The following PPP1R1A variants were observed in gnomAD, a reference collection of about 807,000 sequenced individuals.
PPP1R1A encodes the protein protein phosphatase 1 regulatory subunit 1A.
A neutral mutation model predicts 23.9 loss-of-function variants in PPP1R1A; 18 were observed. The observed-to-expected ratio is 0.75, with a 90% CI of 0.52 to 1.12. The LOEUF (loss-of-function observed/expected upper bound fraction) is 1.12. Ranked by LOEUF, PPP1R1A falls within the 50% of genes most tolerant of loss-of-function variation. The pLI, the probability that PPP1R1A is intolerant of heterozygous loss-of-function variation, is 0.00. For synonymous variants in PPP1R1A, 84 were observed against 80.7 expected (o/e 1.04, Z -0.22); for missense variants, 207 against 223.8 (o/e 0.92, Z 0.48).
At chr12:54,584,157 G>A (rs1367366073) in intron 2 of PPP1R1A, 103 bp downstream of exon 2, 22 of 1,176,118 alleles carry the variant, frequency 1.9e-5, no homozygotes, top group African/African-American at 6.1e-5. Flanking sequence ...GGACATCCCC[G>A]CCTTCTCAGA....
At chr12:54,582,631 T>C (rs1004059433) in intron 4 of PPP1R1A, 101 bp downstream of exon 4, 5 of 1,384,024 alleles carry the variant, frequency 3.6e-6, no homozygotes, top group Non-Finnish European at 5.1e-6. Context: ...AGTTCTACCA[T>C]AATAAAGGCA....
In PPP1R1A at chr12:54,581,909, G is replaced by A. The variant is rs1957858646; in HGVS notation, c.403+67C>T. On this transcript the variant is annotated intron_variant, in intron 5 of 6. Transcript: ENST00000257905. The surrounding 1 kb of genome is among the most constrained non-coding windows in gnomAD (Gnocchi z 4.1). ...TCCAACTCTTTCCCCTCCCCGCAGT[G>A]GGTAAGGCTTGCCTCCTGCTGGGCT... 4 of 1,537,796 alleles carry A rather than the reference G, an allele frequency of 2.6e-6. No individual in the cohort carries two copies. Among genetic ancestry groups the A allele is most frequent in the Admixed American group, 1.9e-5 (1 of 52,018 alleles).
At chr12:54,587,285 G>GT (rs1254644740) in intron 1 of PPP1R1A, among the ~76,000 whole-genome samples, 7 of 152,158 alleles carry the variant, frequency 4.6e-5, no homozygotes, top group Admixed American at 6.5e-5. Context: ...AGGTCACAAA[G>GT]TTTTTTTCAG....
At chr12:54,583,679 G>T (rs1957880407) in intron 2 of PPP1R1A, among the ~76,000 whole-genome samples, 1 of 152,192 alleles carries the variant, frequency 6.6e-6, no homozygotes, top group Admixed American at 6.5e-5. Flanking sequence ...TCTGTGCAGG[G>T]TCTGGAAGGT....
chr12:54,584,144 TG>T, intron 2 of PPP1R1A, 115 bp downstream of exon 2: 1 of 1,069,360 alleles, frequency 9.4e-7, no homozygotes, highest in Admixed American at 2.0e-5. Flanking sequence ...CCTTCAGTAC[TG>T]AGGACATCCC....
chr12:54,586,387 C>T (rs1957910887), intron 1 of PPP1R1A, among the ~76,000 whole-genome samples: 1 of 152,208 alleles, frequency 6.6e-6, no homozygotes, highest in Non-Finnish European at 1.5e-5. Context: ...TTCCTTTTCT[C>T]ATACCTATCC....
intron 1 of PPP1R1A, among the ~76,000 whole-genome samples, chr12:54,587,668 T>C (rs1431020142): frequency 6.6e-6 from 1 of 152,148 alleles, no homozygotes; most frequent in Non-Finnish European, 1.5e-5. Context: ...ATTGTTCAGC[T>C]TGGACCCCAG....
rs1352132958 is a variant in PPP1R1A at position 54,579,545 on chromosome 12, A to G, written c.*842T>C. 3 of 985,334 alleles carry G rather than the reference A, an allele frequency of 3.0e-6. No individual in the cohort carries two copies. Among genetic ancestry groups the G allele is most frequent in the Non-Finnish European group, 3.6e-6 (3 of 829,992 alleles). The allele number at this position is 985,334 out of a possible 1,614,324, so 61.0% of individuals were successfully genotyped here. ...TCTCTCCCACTACCTGGGAAAATCA[A>G]AAACAGCAGCAGGAGAGAGGCCTGG... On this transcript the variant is annotated 3_prime_UTR_variant, in exon 7 of 7. Transcript: ENST00000257905.
chr12:54,580,740 T>A (rs1957847046), intron 6 of PPP1R1A, among the ~76,000 whole-genome samples: 1 of 152,212 alleles, frequency 6.6e-6, no homozygotes, highest in East Asian at 1.9e-4. Flanking sequence ...CAAAGTCTAA[T>A]CTCAATCCTT....
Position 54,580,377 on chromosome 12 carries a change from T to A in PPP1R1A, c.*10A>T. The A allele has an allele frequency of 1.2e-6, 2 of 1,613,430 alleles. No individual in the cohort carries two copies. Among genetic ancestry groups the A allele is most frequent in the Non-Finnish European group, 1.7e-6 (2 of 1,179,532 alleles). On this transcript the variant is annotated 3_prime_UTR_variant, in exon 7 of 7. Coordinates refer to ENST00000257905, the MANE Select transcript of PPP1R1A (RefSeq NM_006741.4). ...ACTGCAGTCTTGATCCCAAGATACC[T>A]CCTCCTCTCTCAGACCTGTTATGGG... is the stretch of plus-strand genomic sequence containing the variant.
At chr12:54,580,867 A>G in intron 6 of PPP1R1A, 77 bp downstream of exon 6, 1 of 1,233,324 alleles carries the variant, frequency 8.1e-7, no homozygotes. Context: ...CCTAGACTCC[A>G]AATATTAGCC....
At chr12:54,584,917 A>C (rs1957894210) in intron 1 of PPP1R1A, among the ~76,000 whole-genome samples, 1 of 151,962 alleles carries the variant, frequency 6.6e-6, no homozygotes, top group Non-Finnish European at 1.5e-5. Context: ...CCATCTAAGC[A>C]TATCTGCTCT....
chr12:54,582,874 T>G, intron 3 of PPP1R1A, 79 bp from the exon 4 acceptor site: 4 of 1,356,740 alleles, frequency 2.9e-6, no homozygotes, highest in Non-Finnish European at 3.0e-6. Context: ...TAGCCCCCCA[T>G]GCCCTCCAGC....
chr12:54,580,351 A>G lies in PPP1R1A; in HGVS notation c.*36T>C. On this transcript the variant is annotated 3_prime_UTR_variant, in exon 7 of 7. Coordinates refer to ENST00000257905, the MANE Select transcript of PPP1R1A (RefSeq NM_006741.4). ...CAAATCCGGTGTCCATGCATTCCCA[A>G]ACTGCAGTCTTGATCCCAAGATACC... 6.2e-7 allele frequency: 1 copy of G among 1,613,040 alleles called. No homozygotes were observed. The highest frequency in any genetic ancestry group is 1.3e-5 in the African/African-American group (1 of 75,006).
At position 54,582,771 on chromosome 12, in the gene PPP1R1A, G is replaced by C. The variant is rs1317415256; in HGVS notation, c.208C>G (p.Gln70Glu). 1 of 1,613,590 alleles carries C rather than the reference G, an allele frequency of 6.2e-7. No homozygotes were observed. Among genetic ancestry groups the C allele is most frequent in the Admixed American group, 1.7e-5 (1 of 60,006 alleles). ...GTGATCCTTGTCATCTTCTTCCGTT[G>C]CCGTGGAGACATTGCCAAAGTGGAC... ...LKSTLAMSPR[Q>E]RKKMTRITPT... is the part of the protein sequence containing the mutation. Residue 70 changes from glutamine (Q) to glutamate (E), a missense_variant, in exon 4 of 7, where the codon CAA becomes GAA. Coordinates refer to ENST00000257905, the MANE Select transcript of PPP1R1A (RefSeq NM_006741.4).
Position 54,582,779 on chromosome 12 carries a change from G to A in PPP1R1A, c.200C>T (p.Ser67Phe). The A allele has an allele frequency of 6.2e-7, 1 of 1,613,606 alleles. No homozygotes were observed. Among genetic ancestry groups the A allele is most frequent in the Non-Finnish European group, 8.5e-7 (1 of 1,179,878 alleles). ...TGTCATCTTCTTCCGTTGCCGTGGAGACATTGCCAAAGTGGACTGTGAAGG... is the reference window on the plus strand; with the variant it reads ...TGTCATCTTCTTCCGTTGCCGTGGAAACATTGCCAAAGTGGACTGTGAAGG... ...NPHLKSTLAM[S>F]PRQRKKMTRI... is the part of the protein sequence containing the mutation. Residue 67 changes from serine to phenylalanine, a missense_variant, in exon 4 of 7, where the codon TCT becomes TTT. Transcript: ENST00000257905.
At chr12:54,583,312 A>G in intron 2 of PPP1R1A, 64 bp from the exon 3 acceptor site, 1 of 1,364,574 alleles carries the variant, frequency 7.3e-7, no homozygotes, top group Non-Finnish European at 9.6e-7. Flanking sequence ...CATAGAGCTG[A>G]CTTCTCAGGG....
chr12:54,587,281 C>T (rs1274576200), intron 1 of PPP1R1A, among the ~76,000 whole-genome samples: 2 of 152,194 alleles, frequency 1.3e-5, no homozygotes, highest in African/African-American at 4.8e-5. Flanking sequence ...CAAGAGGTCA[C>T]AAAGTTTTTT....
chr12:54,584,770 G>A (rs1056680147), intron 1 of PPP1R1A, among the ~76,000 whole-genome samples: 5 of 151,962 alleles, frequency 3.3e-5, no homozygotes, highest in South Asian at 2.1e-4. Flanking sequence ...TGGTGAACCA[G>A]GGTGAACATC....
Sources: gnomAD v4.1 joint callset for allele counts (sites outside exome capture counted in the v4.1 genomes callset) on GRCh38, gnomAD v4.1.1 for gene constraint, Gnocchi (gnomAD v3.1) non-coding constraint, MANE v1.5 for transcripts, NCBI Gene and HGNC (gene_info 2026-07-23, HGNC 2026-07-21) for gene names.